The following NCOA2 variants were observed in gnomAD, a reference collection of about 807,000 sequenced individuals.
NCOA2 encodes class E basic helix-loop-helix protein 75.
Under a neutral mutation model 145.1 loss-of-function variants are expected in NCOA2, and 21 were observed. The ratio of observed to expected loss-of-function variants is 0.14; its 90% CI spans 0.10 to 0.21. The LOEUF is 0.21. NCOA2 is among the 10% of genes least tolerant of loss of function. The probability of loss-of-function intolerance (pLI) is 1.00; values close to 1 mark genes in which losing one functional copy is unlikely to be tolerated. For missense variants in NCOA2, 1,472 were observed against 1,837.6 expected, an observed-to-expected ratio of 0.80 and a Z score of 3.64; for synonymous variants, 619 against 637.5, an observed-to-expected ratio of 0.97 and a Z score of 0.44.
At chr8:70,264,881 T>C (rs1369247671) in intron 2 of NCOA2, among the ~76,000 whole-genome samples, 1 of 152,044 alleles carries the variant, frequency 6.6e-6, no homozygotes, top group Non-Finnish European at 1.5e-5. Context: ...TGCAGAATAA[T>C]ATGAATAGTA....
intron 4 of NCOA2, among the ~76,000 whole-genome samples, chr8:70,177,679 C>T (rs1489666687): frequency 1.3e-5 from 2 of 152,166 alleles, no homozygotes; most frequent in Non-Finnish European, 2.9e-5. Flanking sequence ...CTCATATTCT[C>T]TCAGGATCCC....
chr8:70,128,454 C>T lies in NCOA2; in HGVS notation c.3660G>A (p.Leu1220=), dbSNP rs1808700076. 6.2e-7 allele frequency: 1 copy of T among 1,612,764 alleles called. No homozygotes were observed. The highest frequency in any genetic ancestry group is 1.7e-5 in the Admixed American group (1 of 59,834). Residue 1220 remains leucine (L), a synonymous_variant, in exon 18 of 23, where the codon CTG becomes CTA. Transcript: ENST00000452400. The stretch of plus-strand genomic sequence containing the variant: ...TTACCTGTGTTGGTACTCCAGGCCT[C>T]AGAGTCAAGTTCACATTGGAAACAT... ...ISNVSNVNLT[L]RPGVPTQAPI... is the part of the protein sequence containing the mutation.
chr8:70,434,625 G>C, the NCOA2 span, among the ~76,000 whole-genome samples: 2 of 152,124 alleles, frequency 1.3e-5, no homozygotes, highest in Admixed American at 1.3e-4. Context: ...CTGGAGCTCA[G>C]TGATGGAATC....
intron 1 of NCOA2, among the ~76,000 whole-genome samples, chr8:70,298,954 G>A (rs574587826): frequency 1.1e-4 from 17 of 152,104 alleles, no homozygotes; most frequent in East Asian, 3.9e-4. Context: ...CCAGCTACTC[G>A]GAGGCTGAGG....
At chr8:70,242,686 A>G (rs527600065) in intron 2 of NCOA2, among the ~76,000 whole-genome samples, 3 of 152,092 alleles carry the variant, frequency 2.0e-5, no homozygotes, top group African/African-American at 7.2e-5. Context: ...ACAGAATTCA[A>G]ATGTCTCTAA....
At chr8:70,222,298 A>AT (rs996682719) in intron 2 of NCOA2, among the ~76,000 whole-genome samples, 1 of 152,172 alleles carries the variant, frequency 6.6e-6, no homozygotes, top group Middle Eastern at 3.2e-3. Flanking sequence ...TTAGGATATG[A>AT]TTTTTCAATA....
chr8:70,249,373 T>G (rs1450999468), intron 2 of NCOA2, among the ~76,000 whole-genome samples: 1 of 152,206 alleles, frequency 6.6e-6, no homozygotes, highest in African/African-American at 2.4e-5. Flanking sequence ...GAGGCCACTT[T>G]AGAGGGAGGA....
At chr8:70,280,800 T>C (rs571537971) in intron 2 of NCOA2, among the ~76,000 whole-genome samples, 1 of 152,240 alleles carries the variant, frequency 6.6e-6, no homozygotes, top group South Asian at 2.1e-4. Flanking sequence ...TAGTTATGCC[T>C]CATAGAAATC....
At chr8:70,130,951 GTTAT>G (rs1809026570) in intron 16 of NCOA2, among the ~76,000 whole-genome samples, 1 of 152,184 alleles carries the variant, frequency 6.6e-6, no homozygotes, top group Non-Finnish European at 1.5e-5. Context: ...ACTATGTTAG[GTTAT>G]TTACTATATC....
intron 2 of NCOA2, among the ~76,000 whole-genome samples, chr8:70,217,874 C>T (rs1271032183): frequency 6.6e-6 from 1 of 152,020 alleles, no homozygotes; most frequent in Non-Finnish European, 1.5e-5. Flanking sequence ...AGCTCCTATT[C>T]GATACTACTT....
intron 2 of NCOA2, among the ~76,000 whole-genome samples, chr8:70,252,556 C>T (rs1186021939): frequency 3.3e-5 from 5 of 152,190 alleles, no homozygotes; most frequent in African/African-American, 1.2e-4. Context: ...GCTCTTCTGA[C>T]TCTACCATTC....
chr8:70,248,573 C>T (rs1303378628), intron 2 of NCOA2, among the ~76,000 whole-genome samples: 2 of 152,004 alleles, frequency 1.3e-5, no homozygotes, highest in African/African-American at 4.8e-5. Flanking sequence ...CAGGAGCTCC[C>T]CCTGGATACC....
At chr8:70,212,809 C>T (rs893551748) in intron 4 of NCOA2, among the ~76,000 whole-genome samples, 2 of 152,078 alleles carry the variant, frequency 1.3e-5, no homozygotes, top group African/African-American at 2.4e-5. Context: ...AGGTCAGGCA[C>T]GGTGGCTCAC....
the NCOA2 span, among the ~76,000 whole-genome samples, chr8:70,445,212 C>A: frequency 6.6e-6 from 1 of 152,102 alleles, no homozygotes; most frequent in Non-Finnish European, 1.5e-5. Context: ...AAGCTCAAAA[C>A]CTGCCTTATT....
At chr8:70,225,166 T>C (rs536950597) in intron 2 of NCOA2, among the ~76,000 whole-genome samples, 10 of 152,204 alleles carry the variant, frequency 6.6e-5, no homozygotes, top group Non-Finnish European at 7.3e-5. Flanking sequence ...TCACTGACTC[T>C]TATATTCTAA....
intron 1 of NCOA2, chr8:70,402,374 C>A (rs1814360368): frequency 6.6e-6 from 1 of 152,480 alleles, no homozygotes; most frequent in South Asian, 2.1e-4. Context: ...CGCGGGAGGC[C>A]CAGTCCAGCT....
the NCOA2 span, among the ~76,000 whole-genome samples, chr8:70,413,473 T>A: frequency 8.5e-5 from 13 of 152,190 alleles, no homozygotes; most frequent in African/African-American, 3.1e-4. Context: ...GCAAGTTTTA[T>A]AAAACCCTAG....
At chr8:70,135,404 A>G (rs1809621023) in intron 15 of NCOA2, among the ~76,000 whole-genome samples, 1 of 152,224 alleles carries the variant, frequency 6.6e-6, no homozygotes, top group African/African-American at 2.4e-5. Flanking sequence ...GCTTGAACAT[A>G]AACACAGTAT....
intron 4 of NCOA2, among the ~76,000 whole-genome samples, chr8:70,200,102 G>A (rs1817728634): frequency 1.3e-5 from 2 of 152,208 alleles, no homozygotes; most frequent in South Asian, 2.1e-4. Context: ...GTAATCTACA[G>A]ATGATTTAAA....
Sources: gnomAD v4.1 joint callset for allele counts (sites outside exome capture counted in the v4.1 genomes callset) on GRCh38, gnomAD v4.1.1 for gene constraint, MANE v1.5 for transcripts, NCBI Gene and HGNC (gene_info 2026-07-23, HGNC 2026-07-21) for gene names.